The following PIEZO2 variants were observed in gnomAD, a reference collection of about 807,000 sequenced individuals.
PIEZO2 encodes piezo-type mechanosensitive ion channel component 2.
In PIEZO2, 172 loss-of-function variants were observed where a neutral mutation model predicts 337.3. The ratio of observed to expected loss-of-function variants is 0.51; its 90% confidence interval spans 0.45 to 0.58. The LOEUF is 0.58. PIEZO2 is among the 20% of genes least tolerant of loss of function. The pLI is 0.00. For missense variants in PIEZO2, 3,028 were observed against 3,391.3 expected, an observed-to-expected ratio of 0.89 and a Z score of 2.66; for synonymous variants, 1,251 against 1,228.5, an observed-to-expected ratio of 1.02 and a Z score of -0.38.
At chr18:10,754,890 A>G (rs2037775554) in intron 27 of PIEZO2, among the ~76,000 whole-genome samples, 1 of 152,108 alleles carries the variant, frequency 6.6e-6, no homozygotes, top group Non-Finnish European at 1.5e-5. Context: ...CCTATGTCTC[A>G]TCTCGTTGCT....
rs1314941409 is a variant in PIEZO2 at position 11,028,836 on chromosome 18, T to C, written c.160+37291A>G. 3.3e-5 allele frequency among the ~76,000 whole-genome samples: 5 copies of C among 152,180 alleles called. No individual in the cohort carries two copies. The highest frequency in any genetic ancestry group is 7.3e-5 in the Non-Finnish European group (5 of 68,032). ...TGCTTGGTACTCTATATAATACCTA[T>C]TGACTCACTTCTTCAGCAAATATTC... On this transcript the variant is annotated intron_variant, in intron 2 of 55. Transcript: ENST00000674853. The surrounding 1 kb of genome is among the most constrained non-coding windows in gnomAD (Gnocchi z 4.8).
chr18:11,088,065 C>T (rs1365247770), intron 1 of PIEZO2, among the ~76,000 whole-genome samples: 2 of 152,210 alleles, frequency 1.3e-5, no homozygotes, highest in African/African-American at 2.4e-5. Flanking sequence ...GTCTCTGCTC[C>T]CCCTGGACCT....
rs907381103 is a variant in PIEZO2, at chr18:10,903,456, A to C, written c.329+7730T>G. Among the ~76,000 whole-genome samples, 1 of 152,068 alleles carries C rather than the reference A, an allele frequency of 6.6e-6. No homozygotes were observed. Among genetic ancestry groups the C allele is most frequent in the Non-Finnish European group, 1.5e-5 (1 of 68,000 alleles). ...GCCAAGGCGGGCGGATCATGAGGTC[A>C]AGAGATCGAGACCATCCTGGCCAAC... On this transcript the variant is annotated intron_variant, in intron 4 of 55. Transcript: ENST00000674853. This position sits in a 1 kb window ranked among gnomAD's most constrained non-coding sequence, Gnocchi z 4.1.
chr18:10,802,030 G>T (rs1258381039), intron 9 of PIEZO2, among the ~76,000 whole-genome samples: 29 of 143,996 alleles, frequency 2.0e-4, no homozygotes, highest in Non-Finnish European at 7.5e-5. Context: ...AGCTTGCAGT[G>T]AGCCGAGATC....
At chr18:10,858,318 A>ACTCC (rs1555661879) in intron 5 of PIEZO2, among the ~76,000 whole-genome samples, 2 of 78,046 alleles carry the variant, frequency 2.6e-5, no homozygotes, top group African/African-American at 1.2e-4. Flanking sequence ...CGAGACTTCA[A>ACTCC]CCCAAAAAAA....
chr18:11,123,653 A>G (rs574457397), intron 1 of PIEZO2, among the ~76,000 whole-genome samples: 28 of 152,238 alleles, frequency 1.8e-4, no homozygotes, highest in African/African-American at 6.5e-4. Context: ...CTAAAAATAC[A>G]AAAACAATTA....
At chr18:10,800,217 A>T in intron 11 of PIEZO2, 120 bp downstream of exon 11, 1 of 1,328,208 alleles carries the variant, frequency 7.5e-7, no homozygotes, top group Non-Finnish European at 1.0e-6. Flanking sequence ...AAGTGAGGTT[A>T]ATGACACTGA....
At position 11,111,879 on chromosome 18, in the gene PIEZO2, G is replaced by T. The variant is rs925163295; in HGVS notation, c.64+36646C>A. On this transcript the variant is annotated intron_variant, in intron 1 of 55. Transcript: ENST00000674853. The surrounding 1 kb of genome is among the most constrained non-coding windows in gnomAD (Gnocchi z 6.2). ...TAAACAACCATGGATAGATTATAAA[G>T]TCAAATAACAATGTGTCTCTTTTAA... 6.6e-6 allele frequency among the ~76,000 whole-genome samples: 1 copy of T among 152,144 alleles called. No individual in the cohort carries two copies. Among genetic ancestry groups the T allele is most frequent in the East Asian group, 1.9e-4 (1 of 5,194 alleles).
intron 30 of PIEZO2, among the ~76,000 whole-genome samples, chr18:10,744,973 T>C (rs950805705): frequency 1.3e-5 from 2 of 152,212 alleles, no homozygotes; most frequent in African/African-American, 4.8e-5. Flanking sequence ...CCCCGCCTCC[T>C]TGGAAAGTCT....
chr18:11,148,544 C>G lies in PIEZO2; in HGVS notation c.45G>C (p.Leu15=). 6.5e-7 allele frequency: 1 copy of G among 1,537,212 alleles called. No individual in the cohort carries two copies. The highest frequency in any genetic ancestry group is 8.7e-7 in the Non-Finnish European group (1 of 1,146,896). ...ACTCACCTACTGCCAGGCAGATGGG[C>G]AGCAGCAGCCTGAAGATGAGCCCGC... ...VVCGLIFRLL[L]PICLAVACAF... The change falls in exon 1 of 56, where the codon CTG becomes CTC. Residue 15 remains leucine, a synonymous_variant. Coordinates refer to ENST00000674853, the MANE Select transcript of PIEZO2 (RefSeq NM_001378183.1). The surrounding 1 kb of genome is among the most constrained non-coding windows in gnomAD (Gnocchi z 5.2).
intron 1 of PIEZO2, among the ~76,000 whole-genome samples, chr18:11,115,850 G>C (rs910111475): frequency 6.6e-6 from 1 of 152,146 alleles, no homozygotes; most frequent in Admixed American, 6.5e-5. Flanking sequence ...TTGTGTCCCA[G>C]TAGAGAGGGA....
intron 47 of PIEZO2, among the ~76,000 whole-genome samples, chr18:10,692,835 T>C (rs980388122): frequency 4.6e-5 from 7 of 152,190 alleles, no homozygotes; most frequent in Non-Finnish European, 8.8e-5. Context: ...AAAGTTCTTT[T>C]AGTTCTTCTA....
chr18:10,776,418 T>C (rs1400312368), intron 18 of PIEZO2, among the ~76,000 whole-genome samples: 1 of 152,244 alleles, frequency 6.6e-6, no homozygotes, highest in Non-Finnish European at 1.5e-5. Flanking sequence ...ATAATCTGCA[T>C]CATAAATTCA....
chr18:10,702,964 A>AC (rs1567965229), intron 42 of PIEZO2, among the ~76,000 whole-genome samples: 1 of 152,106 alleles, frequency 6.6e-6, no homozygotes, highest in Admixed American at 6.6e-5. Context: ...CAATCCTCCC[A>AC]CCTCTGCCTC....
intron 21 of PIEZO2, chr18:10,769,901 G>A: frequency 2.6e-6 from 1 of 389,152 alleles, no homozygotes; most frequent in East Asian, 4.2e-5. Flanking sequence ...TCTTCCCTAA[G>A]GATTCGATGA....
At chr18:10,762,366 G>T in intron 23 of PIEZO2, 134 bp downstream of exon 23, 2 of 1,127,342 alleles carry the variant, frequency 1.8e-6, no homozygotes, top group Non-Finnish European at 2.4e-6. Context: ...AGAGTTTGTT[G>T]CAAAGGTGAT....
In PIEZO2 at chr18:10,903,168, G is replaced by A. The variant is rs147209710; in HGVS notation, c.329+8018C>T. The stretch of plus-strand genomic sequence containing the variant: ...TTCGAATTCTACTTACCTAAAATGC[G>A]TTTGGCATACATCTGCATGTCACAC... On this transcript the variant is annotated intron_variant, in intron 4 of 55. Coordinates refer to ENST00000674853, the MANE Select transcript of PIEZO2 (RefSeq NM_001378183.1). The surrounding 1 kb of genome is among the most constrained non-coding windows in gnomAD (Gnocchi z 4.1). Among the ~76,000 whole-genome samples, 25 of 152,228 alleles carry A rather than the reference G, an allele frequency of 1.6e-4. No homozygotes were observed. Among genetic ancestry groups the A allele is most frequent in the Admixed American group, 3.3e-4 (5 of 15,288 alleles).
intron 4 of PIEZO2, among the ~76,000 whole-genome samples, chr18:10,896,604 A>G (rs8095990): frequency 0.31 from 47,758 of 152,046 alleles, 7,579 homozygotes; most frequent in Non-Finnish European, 0.34. Context: ...CAGCATCTGG[A>G]AGAAGCCACT....
chr18:11,023,911 G>A (rs534486210), intron 2 of PIEZO2, among the ~76,000 whole-genome samples: 2 of 152,280 alleles, frequency 1.3e-5, no homozygotes, highest in African/African-American at 4.8e-5. Context: ...CTCATTGCCC[G>A]GGGCCGGCAG....
Sources: gnomAD v4.1 joint callset for allele counts (sites outside exome capture counted in the v4.1 genomes callset) on GRCh38, gnomAD v4.1.1 for gene constraint, Gnocchi (gnomAD v3.1) non-coding constraint, MANE v1.5 for transcripts, NCBI Gene and HGNC (gene_info 2026-07-23, HGNC 2026-07-21) for gene names.